Variants in KREMEN1 observed in about 807,000 individuals in gnomAD.
KREMEN1 encodes kremen protein 1.
A neutral mutation model predicts 46.5 loss-of-function variants in KREMEN1; 30 were observed. The observed-to-expected ratio is 0.65, with a 90% CI of 0.48 to 0.88. The LOEUF (loss-of-function observed/expected upper bound fraction) is 0.88. Among genes scored for constraint, KREMEN1 ranks in the 40% least tolerant of loss-of-function variants. The pLI, the probability that KREMEN1 is intolerant of heterozygous loss-of-function variation, is 0.00. For missense variants in KREMEN1, 533 were observed against 596.9 expected (o/e 0.89, Z 1.11); for synonymous variants, 214 against 230.6 (o/e 0.93, Z 0.65).
At chr22:29,099,161 A>G in intron 3 of KREMEN1, 1 of 525,874 alleles carries the variant, frequency 1.9e-6, no homozygotes, top group Non-Finnish European at 3.4e-6. Flanking sequence ...CCTCATTCTA[A>G]AGGTATTCCC....
chr22:29,118,017 C>T (rs1315343542), intron 3 of KREMEN1, among the ~76,000 whole-genome samples: 1 of 152,156 alleles, frequency 6.6e-6, no homozygotes, highest in East Asian at 1.9e-4. Flanking sequence ...AGCTGCAAGC[C>T]AGGTGTCTAC....
At chr22:29,099,550 T>C (rs2037941732) in intron 3 of KREMEN1, 1 of 134,560 alleles carries the variant, frequency 7.4e-6, no homozygotes, top group African/African-American at 2.8e-5. Flanking sequence ...TTTTTTCCTT[T>C]TTTTTTTTTT....
chr22:29,167,336 G>A (rs1257809344), exon 10 of KREMEN1: 1 of 550,216 alleles, frequency 1.8e-6, no homozygotes, highest in African/African-American at 1.9e-5. Context: ...TCCAGCCTGA[G>A]CAGCAGAGCG....
At chr22:29,135,186 AG>A (rs1469869353) in intron 5 of KREMEN1, among the ~76,000 whole-genome samples, 13 of 152,276 alleles carry the variant, frequency 8.5e-5, no homozygotes, top group Non-Finnish European at 1.6e-4. Flanking sequence ...TGGACTCAAG[AG>A]GGCTCAAGGC....
intron 2 of KREMEN1, among the ~76,000 whole-genome samples, chr22:29,097,645 C>T (rs978512340): frequency 6.6e-6 from 1 of 151,920 alleles, no homozygotes; most frequent in African/African-American, 2.4e-5. Flanking sequence ...GCTCTTGTTA[C>T]GCCTGGCCCA....
In KREMEN1 at chr22:29,142,768, T is replaced by C. The variant is rs2038786015; in HGVS notation, c.*656T>C. The C allele has an allele frequency of 1.0e-6, 1 of 985,434 alleles. No homozygotes were observed. Among genetic ancestry groups the C allele is most frequent in the East Asian group, 1.1e-4 (1 of 8,812 alleles). The allele number at this position is 985,434 out of a possible 1,614,324, so 61.0% of individuals were successfully genotyped here. On this transcript the variant is annotated 3_prime_UTR_variant, in exon 9 of 9. Coordinates refer to ENST00000400335, the MANE Select transcript of KREMEN1 (RefSeq NM_001039570.3). ...TAGTGACCCCCATTTATATCAAACCTGATACCTTACACATGGGCTTCTTTC... is the reference window on the plus strand; with the variant it reads ...TAGTGACCCCCATTTATATCAAACCCGATACCTTACACATGGGCTTCTTTC...
At chr22:29,120,620 G>A (rs116674852) in intron 3 of KREMEN1, among the ~76,000 whole-genome samples, 12 of 113,416 alleles carry the variant, frequency 1.1e-4, no homozygotes, top group Admixed American at 2.6e-4. Context: ...TGAAGGAAAC[G>A]GAGGAAGGAG....
At chr22:29,128,401 A>AAC (rs1191491110) in intron 5 of KREMEN1, among the ~76,000 whole-genome samples, 2 of 152,226 alleles carry the variant, frequency 1.3e-5, no homozygotes, top group African/African-American at 4.8e-5. Context: ...TCAAGAAGAA[A>AAC]TAGAATGTAG....
At chr22:29,118,340 G>A (rs1232775211) in intron 3 of KREMEN1, among the ~76,000 whole-genome samples, 2 of 152,142 alleles carry the variant, frequency 1.3e-5, no homozygotes, top group East Asian at 3.8e-4. Context: ...CTTGTCAAAA[G>A]CATGTCAGCA....
chr22:29,126,115 CA>C (rs5844835), intron 5 of KREMEN1, among the ~76,000 whole-genome samples: 128,682 of 143,588 alleles, frequency 0.9, 57,752 homozygotes, highest in East Asian at 1. Flanking sequence ...TGGAGGCAGA[CA>C]AAAAAAAAAA....
intron 9 of KREMEN1, among the ~76,000 whole-genome samples, chr22:29,157,344 C>T (rs939731359): frequency 6.6e-6 from 1 of 151,804 alleles, no homozygotes; most frequent in Admixed American, 6.6e-5. Context: ...CTTTGTTTTT[C>T]GTTGTGGTTT....
chr22:29,144,712 A>G lies in KREMEN1; in HGVS notation c.*2600A>G. 1.0e-6 allele frequency: 1 copy of G among 985,502 alleles called. No homozygotes were observed. Among genetic ancestry groups the G allele is most frequent in the Non-Finnish European group, 1.2e-6 (1 of 829,988 alleles). 61.0% of individuals were successfully genotyped at this position (985,502 alleles called of 1,614,324 possible). On this transcript the variant is annotated 3_prime_UTR_variant, in exon 9 of 9. Transcript: ENST00000400335. The stretch of plus-strand genomic sequence containing the variant: ...TGGCACGTGGCCCCAGGAAGAGTTC[A>G]CCCGGCCAGGGGGCAGTTGTTCAGT...
At chr22:29,089,264 A>G (rs1372311362) in intron 1 of KREMEN1, among the ~76,000 whole-genome samples, 1 of 152,030 alleles carries the variant, frequency 6.6e-6, no homozygotes, top group Non-Finnish European at 1.5e-5. Context: ...TTCTACCCCA[A>G]AACACTCTGA....
rs138573639 is a variant in KREMEN1, at chr22:29,156,877, G to T, written c.1417-10167G>T. On this transcript the variant is annotated intron_variant, in intron 9 of 9. Transcript: ENST00000327813. The stretch of plus-strand genomic sequence containing the variant: ...ACTCTCCCAGCAACCCCATGAGGTA[G>T]GTACAGTTCTATTCCAGTTTTTATA... Among the ~76,000 whole-genome samples the T allele has an allele frequency of 2.1e-3, 325 of 152,316 alleles. 1 individual carries two copies. The highest frequency in any genetic ancestry group is 3.4e-3 in the Middle Eastern group (1 of 294).
At chr22:29,126,374 G>A (rs1003408775) in intron 5 of KREMEN1, among the ~76,000 whole-genome samples, 4 of 152,222 alleles carry the variant, frequency 2.6e-5, no homozygotes, top group Admixed American at 2.6e-4. Flanking sequence ...CAGCAGGGCT[G>A]TGCTCTCTCC....
At chr22:29,094,515 T>G in intron 2 of KREMEN1, 95 bp downstream of exon 2, 1 of 1,103,614 alleles carries the variant, frequency 9.1e-7, no homozygotes, top group South Asian at 1.6e-5. Flanking sequence ...AGGGGAAGTC[T>G]TTTGACCAAC....
At chr22:29,112,691 A>T (rs1348205110) in intron 3 of KREMEN1, among the ~76,000 whole-genome samples, 1 of 152,230 alleles carries the variant, frequency 6.6e-6, no homozygotes, top group Non-Finnish European at 1.5e-5. Context: ...AATTTTTTAA[A>T]AATTGAAAGT....
chr22:29,121,327 G>C, intron 3 of KREMEN1, 30 bp from the exon 4 acceptor site: 1 of 1,611,280 alleles, frequency 6.2e-7, no homozygotes, highest in Non-Finnish European at 8.5e-7. Flanking sequence ...CAGATGTTGC[G>C]AAATTCTTTT....
At chr22:29,090,578 G>A (rs1352053263) in intron 1 of KREMEN1, among the ~76,000 whole-genome samples, 1 of 152,016 alleles carries the variant, frequency 6.6e-6, no homozygotes, top group South Asian at 2.1e-4. Context: ...TTCCTCAAAT[G>A]ATTCAAAATA....
Sources: allele counts gnomAD v4.1 joint callset (sites outside exome capture counted in the v4.1 genomes callset), GRCh38; gene constraint gnomAD v4.1.1; transcripts MANE v1.5; gene names NCBI Gene and HGNC (gene_info 2026-07-23, HGNC 2026-07-21).